The following SAMD9 variants were observed in gnomAD, a reference collection of about 807,000 sequenced individuals.
SAMD9 encodes sterile alpha motif domain containing 9.
In SAMD9, 3 loss-of-function variants were observed where a neutral mutation model predicts 1.5. The ratio of observed to expected loss-of-function variants is 2.05; its 90% CI spans 0.93 to 5.29. SAMD9 has a LOEUF of 5.29. Ranked by LOEUF, SAMD9 falls within the 30% of genes most tolerant of loss-of-function variation. The pLI, the probability that SAMD9 is intolerant of heterozygous loss-of-function variation, is 0.02. For missense variants in SAMD9, 1,597 were observed against 1,820.8 expected (o/e 0.88, Z 2.24); for synonymous variants, 635 against 631.9 (o/e 1.00, Z -0.07).
intron 2 of SAMD9, among the ~76,000 whole-genome samples, chr7:93,109,823 A>G (rs1791708790): frequency 6.6e-6 from 1 of 152,224 alleles, no homozygotes; most frequent in African/African-American, 2.4e-5. Context: ...GACCAAATCT[A>G]CGTTTGATTT....
chr7:93,106,309 C>T (rs1791643762), intron 2 of SAMD9, among the ~76,000 whole-genome samples: 3 of 152,182 alleles, frequency 2.0e-5, no homozygotes, highest in Admixed American at 1.3e-4. Flanking sequence ...CACATGAACA[C>T]ACTTTTCCCA....
intron 2 of SAMD9, among the ~76,000 whole-genome samples, chr7:93,112,661 A>C (rs1791765485): frequency 6.6e-6 from 1 of 152,216 alleles, no homozygotes; most frequent in Non-Finnish European, 1.5e-5. Context: ...CAACAATAAC[A>C]GACAAACAGA....
rs756902783 is a variant in SAMD9, at chr7:93,103,896, A to G, written c.2202T>C (p.His734=). The G allele has an allele frequency of 6.2e-7, 1 of 1,614,012 alleles. No homozygotes were observed. Among genetic ancestry groups the G allele is most frequent in the South Asian group, 1.1e-5 (1 of 91,084 alleles). Residue 734 remains histidine (H), a synonymous_variant, in exon 3 of 3, where the codon CAT becomes CAC. Transcript: ENST00000379958. The stretch of plus-strand genomic sequence containing the variant: ...CCCCACAGCCTGGATGATGATACAG[A>G]TGAATAATTTTGGTACTTGTTGGTT... ...SSKPTSTKII[H]LYHHPGCGGT...
intron 1 of SAMD9, among the ~76,000 whole-genome samples, chr7:93,117,142 C>T (rs1490591202): frequency 6.6e-6 from 1 of 152,178 alleles, no homozygotes; most frequent in African/African-American, 2.4e-5. Context: ...GAGAAGCTCT[C>T]AGAGAGTTTT....
chr7:93,105,669 T>C lies in SAMD9; in HGVS notation c.429A>G (p.Ile143Met). Residue 143 changes from isoleucine to methionine, a missense_variant, in exon 3 of 3, where the codon ATA becomes ATG. Transcript: ENST00000379958. ...CCTTTGTATAATCTATTTTATCTTC[T>C]ATGAGCTCAACTTTTAGTGACTTAG... ...KGSKSLKVEL[I>M]EDKIDYTKER... is the part of the protein sequence containing the mutation. 1.9e-6 allele frequency: 3 copies of C among 1,614,168 alleles called. No individual in the cohort carries two copies. The highest frequency in any genetic ancestry group is 2.5e-6 in the Non-Finnish European group (3 of 1,180,014).
chr7:93,101,997 G>A lies in SAMD9; in HGVS notation c.4101C>T (p.Asn1367=), dbSNP rs753435624. Residue 1367 remains asparagine (N), a synonymous_variant, in exon 3 of 3, where the codon AAC becomes AAT. Transcript: ENST00000379958. ...DAISTMKCIV[N]EYTFLLEQCT... The stretch of plus-strand genomic sequence containing the variant: ...ATTGTTCTAAGAGAAAAGTATATTC[G>A]TTCACTATACATTTCATAGTGCTTA... The A allele has an allele frequency of 3.8e-5, 62 of 1,613,294 alleles. 1 individual carries two copies. Among genetic ancestry groups the A allele is most frequent in the Non-Finnish European group, 4.5e-5 (53 of 1,179,580 alleles).
At position 93,108,819 on chromosome 7, in the gene SAMD9, G is replaced by A. The variant is rs573438824; in HGVS notation, c.-8-2714C>T. Reference sequence around the variant, plus strand: ...GTGGCCAGGAAGCTTGAACTGGGTGGAGCCCACAGCAGCTCAAGGAGGCCT... The same window carrying A: ...GTGGCCAGGAAGCTTGAACTGGGTGAAGCCCACAGCAGCTCAAGGAGGCCT... On this transcript the variant is annotated intron_variant, in intron 2 of 2. Transcript: ENST00000379958. Among the ~76,000 whole-genome samples the A allele has an allele frequency of 4.1e-4, 63 of 152,252 alleles. 1 individual carries two copies. Among genetic ancestry groups the A allele is most frequent in the African/African-American group, 1.4e-3 (58 of 41,556 alleles).
At position 93,103,219 on chromosome 7, in the gene SAMD9, ATCTTG is replaced by A. The variant is rs761470455; in HGVS notation, c.2874_2878del (p.Lys959GlyfsTer44). 6.2e-7 allele frequency: 1 copy of A among 1,613,782 alleles called. No individual in the cohort carries two copies. Among genetic ancestry groups the A allele is most frequent in the South Asian group, 1.1e-5 (1 of 91,078 alleles). On this transcript the variant is annotated frameshift_variant, in exon 3 of 3. Coordinates refer to ENST00000379958, the MANE Select transcript of SAMD9 (RefSeq NM_017654.4). LOFTEE classifies it low-confidence loss of function (END_TRUNC). ...TATCAGAATTGTAGAGTAGGTGCCCATCTTGTCTTCAAATTTTTCTGTCCCCCAGA... is the reference window on the plus strand; with the variant it reads ...TATCAGAATTGTAGAGTAGGTGCCCATCTTCAAATTTTTCTGTCCCCCAGA...
chr7:93,105,868 GT>G lies in SAMD9; in HGVS notation c.229del (p.Thr77GlnfsTer52). ...IEELFKELRK[T>X]AIEDSIQTSK... ...TGTCTGAATCGAATCTTCAATGGCTGTTTTCCGCAATTCTTTGAATAGTTCT... is the reference window on the plus strand; with the variant it reads ...TGTCTGAATCGAATCTTCAATGGCTGTTTCCGCAATTCTTTGAATAGTTCT... On this transcript the variant is annotated frameshift_variant, in exon 3 of 3. Coordinates refer to ENST00000379958, the MANE Select transcript of SAMD9 (RefSeq NM_017654.4). LOFTEE classifies it low-confidence loss of function (END_TRUNC). The G allele has an allele frequency of 6.2e-7, 1 of 1,614,096 alleles. No individual in the cohort carries two copies. Among genetic ancestry groups the G allele is most frequent in the South Asian group, 1.1e-5 (1 of 91,072 alleles).
chr7:93,115,719 T>C (rs1469713693), intron 1 of SAMD9, among the ~76,000 whole-genome samples: 1 of 152,126 alleles, frequency 6.6e-6, no homozygotes, highest in African/African-American at 2.4e-5. Context: ...AACGGATGAA[T>C]AAAATAAAAG....
chr7:93,111,192 G>A (rs1791736630), intron 2 of SAMD9, among the ~76,000 whole-genome samples: 1 of 152,140 alleles, frequency 6.6e-6, no homozygotes, highest in African/African-American at 2.4e-5. Flanking sequence ...TGAACAACCT[G>A]CTCCTGAATG....
At chr7:93,117,648 C>T (rs10233715) in intron 1 of SAMD9, among the ~76,000 whole-genome samples, 67,042 of 152,002 alleles carry the variant, frequency 0.44, 17,822 homozygotes, top group African/African-American at 0.74. Context: ...TAGTTTTCAA[C>T]TGCATCTTTA....
chr7:93,103,915 G>T lies in SAMD9; in HGVS notation c.2183C>A (p.Thr728Lys). 6.2e-7 allele frequency: 1 copy of T among 1,613,888 alleles called. No homozygotes were observed. Among genetic ancestry groups the T allele is most frequent in the South Asian group, 1.1e-5 (1 of 91,086 alleles). ...IQNCADSSKP[T>K]STKIIHLYHH... ...ATACAGATGAATAATTTTGGTACTT[G>T]TTGGTTTAGAAGAATCTGCACAGTT... Residue 728 changes from threonine to lysine, a missense_variant, in exon 3 of 3, where the codon ACA becomes AAA. By Grantham distance (78) the Thr-to-Lys change is moderately conservative (BLOSUM62 -1). This residue lies in a region of SAMD9 where 358 missense variants were observed against 460.4 expected (regional missense o/e 0.78). Coordinates refer to ENST00000379958, the MANE Select transcript of SAMD9 (RefSeq NM_017654.4).
Position 93,104,276 on chromosome 7 carries a change from C to A in SAMD9, c.1822G>T (p.Ala608Ser), listed in dbSNP as rs1791590419. The A allele has an allele frequency of 6.2e-7, 1 of 1,613,308 alleles. No individual in the cohort carries two copies. The highest frequency in any genetic ancestry group is 8.5e-7 in the Non-Finnish European group (1 of 1,179,626). The change falls in exon 3 of 3, where the codon GCT becomes TCT. Residue 608 changes from alanine to serine, a missense_variant. Around this residue, in one of 6 missense-constraint regions of SAMD9, gnomAD observed 358 missense variants for 460.4 expected, o/e 0.78. Transcript: ENST00000379958. The part of the protein sequence containing the change: ...QDEISSQCIS[A>S]LSLEEINGTI... ...CCATTGATCTCTTCAAGGCTTAAAG[C>A]AGAAATACATTGGCTTGAAATTTCA...
rs555691812 is a variant in SAMD9, at chr7:93,109,231, T to G, written c.-8-3126A>C. ...CAGCAAACTCCAACAGACCTGCAGC[T>G]GAGGGTCCTGACTGTTAGAAGGAAA... is the stretch of plus-strand genomic sequence containing the variant. On this transcript the variant is annotated intron_variant, in intron 2 of 2. Coordinates refer to ENST00000379958, the MANE Select transcript of SAMD9 (RefSeq NM_017654.4). Among the ~76,000 whole-genome samples, 12 of 152,264 alleles carry G rather than the reference T, an allele frequency of 7.9e-5. No homozygotes were observed. The South Asian group carries it at 2.5e-3, about 32-fold the overall frequency.
intron 2 of SAMD9, among the ~76,000 whole-genome samples, chr7:93,107,811 C>G: frequency 6.6e-6 from 1 of 152,122 alleles, no homozygotes; most frequent in East Asian, 1.9e-4. Context: ...ACATACCTTA[C>G]AGCTATATCA....
chr7:93,113,004 C>G (rs1174035803), intron 2 of SAMD9, among the ~76,000 whole-genome samples: 1 of 152,074 alleles, frequency 6.6e-6, no homozygotes. Context: ...AAGTCAATCC[C>G]AAGCCAAAAG....
Position 93,099,868 on chromosome 7 carries a change from A to C in SAMD9, c.*1460T>G, listed in dbSNP as rs1001938873. On this transcript the variant is annotated 3_prime_UTR_variant, in exon 3 of 3. Transcript: ENST00000379958. The stretch of plus-strand genomic sequence containing the variant: ...TTACTGATTCTAGATCATGTCATTT[A>C]TTTACAAATACTTTAGTATGTATCT... 1 of 152,184 alleles carries C rather than the reference A, an allele frequency of 6.6e-6. No homozygotes were observed. Among genetic ancestry groups the C allele is most frequent in the Non-Finnish European group, 1.5e-5 (1 of 68,026 alleles). The allele number at this position is 152,184 out of a possible 1,614,324, so 9.4% of individuals were successfully genotyped here. A position where few individuals can be genotyped will look rare whatever the true frequency, so the allele number is the denominator to read the frequency against.
chr7:93,104,497 A>G lies in SAMD9; in HGVS notation c.1601T>C (p.Met534Thr), dbSNP rs767185347. The G allele has an allele frequency of 1.2e-6, 2 of 1,614,010 alleles. No individual in the cohort carries two copies. Among genetic ancestry groups the G allele is most frequent in the Non-Finnish European group, 8.5e-7 (1 of 1,179,896 alleles). The change falls in exon 3 of 3, where the codon ATG (methionine) becomes ACG (threonine). Residue 534 changes from methionine (M) to threonine (T), a missense_variant. Met to Thr is a moderately conservative substitution (Grantham distance 81). Coordinates refer to ENST00000379958, the MANE Select transcript of SAMD9 (RefSeq NM_017654.4). The part of the protein sequence containing the change: ...LISFLTHEDI[M>T]PRGKFLVVFL... ...TACCACCAAAAACTTCCCTCTTGGC[A>G]TTATGTCTTCATGTGTAAGAAATGA...
Sources: allele counts gnomAD v4.1 joint callset (sites outside exome capture counted in the v4.1 genomes callset), GRCh38; gene constraint gnomAD v4.1.1; regional missense constraint gnomAD v4.1.1; transcripts MANE v1.5; gene names NCBI Gene and HGNC (gene_info 2026-07-23, HGNC 2026-07-21).